GAP43: variants seen among roughly 807,000 people sequenced by gnomAD.
GAP43 encodes neuromodulin.
GAP43 carries 6 observed loss-of-function variants against 18.6 expected under a neutral mutation model. The ratio of observed to expected loss-of-function variants is 0.32; its 90% confidence interval spans 0.18 to 0.64. The LOEUF is 0.64. GAP43 is among the 30% of genes least tolerant of loss of function. The pLI is 0.78. For synonymous variants in GAP43, 115 were observed against 111.4 expected (o/e 1.03, Z -0.20); for missense variants, 292 against 295.5 (o/e 0.99, Z 0.09).
chr3:115,677,519 A>C (rs1028789036), intron 2 of GAP43, among the ~76,000 whole-genome samples: 17 of 152,152 alleles, frequency 1.1e-4, no homozygotes, highest in African/African-American at 3.9e-4. Flanking sequence ...GTCCCTGGAG[A>C]CTAGATCCTT....
chr3:115,630,694 TC>T (rs1378998984), intron 1 of GAP43, among the ~76,000 whole-genome samples: 1 of 152,190 alleles, frequency 6.6e-6, no homozygotes, highest in Non-Finnish European at 1.5e-5. Context: ...TGCTTACTGC[TC>T]CCAATCTCTT....
At position 115,697,896 on chromosome 3, in the gene GAP43, A is replaced by T. The variant is rs573434774; in HGVS notation, c.628+21286A>T. On this transcript the variant is annotated intron_variant, in intron 2 of 2. Transcript: ENST00000305124. ...GTATGTTAAATTTGCTTACATATTGATTATAACTCAATGTGATTGGAACGT... is the reference window on the plus strand; with the variant it reads ...GTATGTTAAATTTGCTTACATATTGTTTATAACTCAATGTGATTGGAACGT... Among the ~76,000 whole-genome samples, 19 of 149,186 alleles carry T rather than the reference A, an allele frequency of 1.3e-4. No individual in the cohort carries two copies. The South Asian group carries it at 3.8e-3, about 30-fold the overall frequency.
At chr3:115,656,249 T>A (rs1708579995) in intron 1 of GAP43, among the ~76,000 whole-genome samples, 1 of 152,198 alleles carries the variant, frequency 6.6e-6, no homozygotes, top group Non-Finnish European at 1.5e-5. Flanking sequence ...TTGTGTGGGA[T>A]AGCGGCTGCT....
At chr3:115,696,586 C>T (rs546645392) in intron 2 of GAP43, among the ~76,000 whole-genome samples, 5 of 128,422 alleles carry the variant, frequency 3.9e-5, no homozygotes, top group Non-Finnish European at 8.2e-5. Flanking sequence ...CCGCCCCCCC[C>T]CCCCACAAAC....
chr3:115,652,889 G>A (rs193042521), intron 1 of GAP43, among the ~76,000 whole-genome samples: 3 of 152,312 alleles, frequency 2.0e-5, no homozygotes, highest in Admixed American at 6.5e-5. Flanking sequence ...GAGAATTTCT[G>A]TAACTTATTA....
At chr3:115,663,508 C>G in intron 1 of GAP43, 2 of 1,198,240 alleles carry the variant, frequency 1.7e-6, no homozygotes, top group Non-Finnish European at 2.1e-6. Context: ...ATATTTTTCT[C>G]TTTTGCTTTC....
At chr3:115,650,274 C>T (rs895501739) in intron 1 of GAP43, among the ~76,000 whole-genome samples, 2 of 152,162 alleles carry the variant, frequency 1.3e-5, no homozygotes, top group African/African-American at 4.8e-5. Flanking sequence ...GAGTGCAACT[C>T]ATCCCAGCAT....
At chr3:115,696,991 G>A (rs60969170) in intron 2 of GAP43, among the ~76,000 whole-genome samples, 5,226 of 151,426 alleles carry the variant, frequency 0.035, 289 homozygotes, top group African/African-American at 0.12. Context: ...CACCACACCC[G>A]GCTAAATTTT....
chr3:115,698,002 TG>T (rs1220836138), intron 2 of GAP43, among the ~76,000 whole-genome samples: 8 of 118,842 alleles, frequency 6.7e-5, no homozygotes, highest in African/African-American at 2.6e-4. Flanking sequence ...TGTGTGTGTG[TG>T]TGTGTGTATA....
intron 2 of GAP43, among the ~76,000 whole-genome samples, chr3:115,719,616 G>A (rs896863810): frequency 1.3e-5 from 2 of 152,216 alleles, no homozygotes; most frequent in African/African-American, 2.4e-5. Flanking sequence ...CATCCTGGGT[G>A]ACTCCATGGG....
intron 1 of GAP43, among the ~76,000 whole-genome samples, chr3:115,657,212 A>G (rs988366159): frequency 3.9e-5 from 6 of 152,156 alleles, no homozygotes; most frequent in Non-Finnish European, 8.8e-5. Flanking sequence ...TAAAAGAGGA[A>G]ATGAGTGGCT....
chr3:115,714,797 C>A (rs1709483143), intron 2 of GAP43, among the ~76,000 whole-genome samples: 1 of 151,448 alleles, frequency 6.6e-6, no homozygotes, highest in African/African-American at 2.4e-5. Context: ...TGGGGAGAAG[C>A]CATCACTAGG....
At chr3:115,710,840 C>A (rs1259810589) in intron 2 of GAP43, among the ~76,000 whole-genome samples, 1 of 152,078 alleles carries the variant, frequency 6.6e-6, no homozygotes, top group Non-Finnish European at 1.5e-5. Context: ...AAGAACATAG[C>A]CTATTTTTTT....
chr3:115,703,348 G>A (rs1189445470), intron 2 of GAP43, among the ~76,000 whole-genome samples: 1 of 152,068 alleles, frequency 6.6e-6, no homozygotes, highest in Non-Finnish European at 1.5e-5. Flanking sequence ...GGGCTATCAT[G>A]TGCCAGAGAA....
intron 1 of GAP43, among the ~76,000 whole-genome samples, chr3:115,625,297 G>T (rs1708173860): frequency 1.3e-5 from 2 of 151,540 alleles, no homozygotes; most frequent in African/African-American, 4.9e-5. Flanking sequence ...TTGAGTTGGG[G>T]GCGGTATTTG....
At chr3:115,645,972 C>T in intron 1 of GAP43, among the ~76,000 whole-genome samples, 1 of 151,980 alleles carries the variant, frequency 6.6e-6, no homozygotes, top group East Asian at 1.9e-4. Flanking sequence ...GGTCAATTGT[C>T]ACTTATTGGA....
intron 1 of GAP43, among the ~76,000 whole-genome samples, chr3:115,654,338 G>A (rs963622693): frequency 3.3e-5 from 5 of 152,312 alleles, no homozygotes; most frequent in Admixed American, 6.5e-5. Context: ...GAGTTTATCT[G>A]AAAAGTTCTT....
chr3:115,638,231 C>A (rs1415964643), intron 1 of GAP43, among the ~76,000 whole-genome samples: 1 of 152,062 alleles, frequency 6.6e-6, no homozygotes, highest in Non-Finnish European at 1.5e-5. Flanking sequence ...TTGATAGCAT[C>A]CCATTCCACG....
rs28399368 is a variant in GAP43, at chr3:115,655,125, C to T, written c.31-20888C>T. On this transcript the variant is annotated intron_variant, in intron 1 of 2. Coordinates refer to ENST00000305124, the MANE Select transcript of GAP43 (RefSeq NM_002045.4). ...ATTAGGAAACTTCTCATGCCCCACACACCTCTGAGATCTGTGTAACTTAGG... is the reference window on the plus strand; with the variant it reads ...ATTAGGAAACTTCTCATGCCCCACATACCTCTGAGATCTGTGTAACTTAGG... Among the ~76,000 whole-genome samples, 1,007 of 152,298 alleles carry T rather than the reference C, an allele frequency of 6.6e-3. 6 individuals carry two copies. Among genetic ancestry groups the T allele is most frequent in the Non-Finnish European group, 0.01 (699 of 68,024 alleles).
Sources: gnomAD v4.1 joint callset for allele counts (sites outside exome capture counted in the v4.1 genomes callset) on GRCh38, gnomAD v4.1.1 for gene constraint, MANE v1.5 for transcripts, NCBI Gene and HGNC (gene_info 2026-07-23, HGNC 2026-07-21) for gene names.